The following CLPTM1 variants were observed in gnomAD, a reference collection of about 807,000 sequenced individuals.
CLPTM1 encodes the protein putative lipid scramblase CLPTM1.
In CLPTM1, 21 loss-of-function variants were observed where a neutral mutation model predicts 77.3. That is an observed-to-expected ratio of 0.27 (90% confidence interval 0.19 to 0.39). The LOEUF (loss-of-function observed/expected upper bound fraction) is 0.39. CLPTM1 is among the 10% of genes least tolerant of loss of function. The pLI is 1.00. For missense variants in CLPTM1, 642 were observed against 921.2 expected (o/e 0.70, Z 3.92); for synonymous variants, 373 against 381.0 (o/e 0.98, Z 0.24).
At chr19:44,972,730 A>G (rs1231699208) in intron 2 of CLPTM1, among the ~76,000 whole-genome samples, 2 of 150,878 alleles carry the variant, frequency 1.3e-5, no homozygotes, top group East Asian at 3.9e-4. Context: ...CTCTCGGGGG[A>G]TCCCAGGGGG....
chr19:44,978,128 C>T (rs1164311525), intron 5 of CLPTM1, among the ~76,000 whole-genome samples: 4 of 150,696 alleles, frequency 2.7e-5, no homozygotes, highest in African/African-American at 4.9e-5. Flanking sequence ...AGATAGAGGC[C>T]GGGCACAGTG....
intron 6 of CLPTM1, among the ~76,000 whole-genome samples, chr19:44,986,063 G>T (rs901168819): frequency 2.0e-5 from 3 of 152,164 alleles, no homozygotes; most frequent in Admixed American, 2.0e-4. Flanking sequence ...CTGCTGCCAG[G>T]GTTGTCAGGG....
In CLPTM1 at chr19:44,992,996, C is replaced by G. The variant is rs1468313086; in HGVS notation, c.*99C>G. 9.1e-6 allele frequency: 13 copies of G among 1,434,608 alleles called. No homozygotes were observed. The Admixed American group carries it at 2.5e-4, about 28-fold the overall frequency. The allele number at this position is 1,434,608 out of a possible 1,614,324, so 88.9% of individuals were successfully genotyped here. On this transcript the variant is annotated 3_prime_UTR_variant, in exon 14 of 14. Transcript: ENST00000337392. This position sits in a 1 kb window ranked among gnomAD's most constrained non-coding sequence, Gnocchi z 7.7. ...CCTGTCGCCCTTTCCCTGGACAGAT[C>G]AGGCCGGGGCGGTGGGAGGCCCGCC...
chr19:44,969,238 A>G (rs1232267769), intron 2 of CLPTM1, among the ~76,000 whole-genome samples: 1 of 152,172 alleles, frequency 6.6e-6, no homozygotes, highest in Non-Finnish European at 1.5e-5. Context: ...ATGCTTATAA[A>G]CTACCCTATG....
At chr19:44,984,275 C>T (rs1378705976) in intron 5 of CLPTM1, 1 of 152,344 alleles carries the variant, frequency 6.6e-6, no homozygotes, top group Non-Finnish European at 1.5e-5. Context: ...CAAACAGGCC[C>T]TGCCCCTACC....
intron 5 of CLPTM1, among the ~76,000 whole-genome samples, chr19:44,978,113 AAGAT>A (rs936964114): frequency 9.3e-5 from 14 of 150,980 alleles, no homozygotes; most frequent in African/African-American, 2.9e-4. Flanking sequence ...CTGTCTCAAA[AAGAT>A]AGATAGAGGC....
chr19:44,980,288 C>G (rs969635627), intron 5 of CLPTM1, among the ~76,000 whole-genome samples: 1 of 152,080 alleles, frequency 6.6e-6, no homozygotes, highest in Non-Finnish European at 1.5e-5. Flanking sequence ...GCAAGCAGAT[C>G]ACTTGAGGTC....
chr19:44,985,284 C>T lies in CLPTM1; in HGVS notation c.653C>T (p.Ala218Val). Residue 218 changes from alanine (A) to valine (V), a missense_variant, in exon 6 of 14, where the codon GCG becomes GTG. Physicochemically the swap from Ala to Val is moderately conservative, Grantham distance 64 (BLOSUM62 0). This residue lies in a region of CLPTM1 where 521 missense variants were observed against 800.4 expected (regional missense o/e 0.65). Transcript: ENST00000337392. ...AACCTGCTGACAGGAGAGACAGAAG[C>T]GGACCCAGAAATGATCAAGGTAAAT... Reference protein sequence around the residue: ...TKNLLTGETEADPEMIKRAED... With the variant: ...TKNLLTGETEVDPEMIKRAED... The T allele has an allele frequency of 7.4e-6, 12 of 1,612,868 alleles. No individual in the cohort carries two copies. The highest frequency in any genetic ancestry group is 1.1e-5 in the South Asian group (1 of 91,036).
intron 2 of CLPTM1, 115 bp downstream of exon 2, chr19:44,962,190 C>CT: frequency 2.2e-6 from 1 of 463,228 alleles, no homozygotes. Flanking sequence ...GGTAGAGTTG[C>CT]TTTTTTTCTT....
Position 44,990,448 on chromosome 19 carries a change from G to A in CLPTM1, c.1186G>A (p.Val396Ile), listed in dbSNP as rs779855499. 12 of 1,614,098 alleles carry A rather than the reference G, an allele frequency of 7.4e-6. No individual in the cohort carries two copies. Among genetic ancestry groups the A allele is most frequent in the South Asian group, 3.3e-5 (3 of 91,084 alleles). The change falls in exon 10 of 14, where the codon GTC becomes ATC. Residue 396 changes from valine to isoleucine, a missense_variant. Val to Ile is a conservative substitution (Grantham distance 29). Coordinates refer to ENST00000337392, the MANE Select transcript of CLPTM1 (RefSeq NM_001294.4). The surrounding 1 kb of genome is among the most constrained non-coding windows in gnomAD (Gnocchi z 4.8). ...QSLEGLSVRS[V>I]FFGVFQSFVV... ...CCTGGAGGGCCTGTCCGTGCGCTCC[G>A]TCTTCTTCGGCGTTTTCCAGTCATT... is the stretch of plus-strand genomic sequence containing the variant.
At chr19:44,954,687 G>C (rs947496407), upstream of CLPTM1, 1 of 1,165,998 alleles carries the variant, frequency 8.6e-7, no homozygotes, top group Non-Finnish European at 1.1e-6. Flanking sequence ...GTGAAGCCTA[G>C]CCCACGGATG....
chr19:44,973,770 T>TGTTTTG (rs369372025), intron 3 of CLPTM1, among the ~76,000 whole-genome samples: 9 of 135,666 alleles, frequency 6.6e-5, no homozygotes, highest in Non-Finnish European at 1.1e-4. Context: ...GGTTTTTTTT[T>TGTTTTG]TTTTTTTTTT....
At chr19:44,986,388 T>C in intron 6 of CLPTM1, 67 bp from the exon 7 acceptor site, 1 of 1,582,064 alleles carries the variant, frequency 6.3e-7, no homozygotes, top group Non-Finnish European at 8.6e-7. Context: ...GGAGGAAGTG[T>C]ACAGAGAGTG....
chr19:44,973,060 T>C (rs1970746342), intron 2 of CLPTM1, 27 bp from the exon 3 acceptor site: 3 of 1,611,272 alleles, frequency 1.9e-6, no homozygotes, highest in Middle Eastern at 3.3e-4. Flanking sequence ...GCTTGGGGAC[T>C]CACCACCTTG....
chr19:44,962,956 C>T (rs1276821865), intron 2 of CLPTM1, among the ~76,000 whole-genome samples: 1 of 151,648 alleles, frequency 6.6e-6, no homozygotes, highest in African/African-American at 2.4e-5. Flanking sequence ...ACCCGGGAGG[C>T]GGAGCTTGCA....
In CLPTM1 at chr19:44,990,761, G is replaced by C; in HGVS notation, c.1324-89G>C. On this transcript the variant is annotated intron_variant, in intron 10 of 13. Coordinates refer to ENST00000337392, the MANE Select transcript of CLPTM1 (RefSeq NM_001294.4). This position sits in a 1 kb window ranked among gnomAD's most constrained non-coding sequence, Gnocchi z 4.8. ...GGGTCACACATGGGGCAGGGGAACT[G>C]GGAACGGTGGGGAAGGGCAGGGGCT... The C allele has an allele frequency of 7.5e-7, 1 of 1,336,054 alleles. No homozygotes were observed. Among genetic ancestry groups the C allele is most frequent in the Non-Finnish European group, 1.1e-6 (1 of 941,558 alleles). The allele number at this position is 1,336,054 out of a possible 1,614,324, so 82.8% of individuals were successfully genotyped here.
At chr19:44,970,551 C>T (rs1461832861) in intron 2 of CLPTM1, among the ~76,000 whole-genome samples, 2 of 145,708 alleles carry the variant, frequency 1.4e-5, no homozygotes, top group South Asian at 2.2e-4. Flanking sequence ...AGGCATGGTG[C>T]GTGCTGCCAT....
At chr19:44,981,183 T>C (rs2122305622) in intron 5 of CLPTM1, among the ~76,000 whole-genome samples, 1 of 152,010 alleles carries the variant, frequency 6.6e-6, no homozygotes, top group African/African-American at 2.4e-5. Flanking sequence ...TCACTCTTGT[T>C]GCCCAGGCTG....
At chr19:44,972,456 A>G (rs204482) in intron 2 of CLPTM1, among the ~76,000 whole-genome samples, 60,749 of 151,576 alleles carry the variant, frequency 0.4, 12,775 homozygotes, top group East Asian at 0.56. Flanking sequence ...TCACCATGTT[A>G]GCCAGGATGG....
Sources: gnomAD v4.1 joint callset for allele counts (sites outside exome capture counted in the v4.1 genomes callset) on GRCh38, gnomAD v4.1.1 for gene constraint, gnomAD v4.1.1 regional missense constraint, Gnocchi (gnomAD v3.1) non-coding constraint, MANE v1.5 for transcripts, NCBI Gene and HGNC (gene_info 2026-07-23, HGNC 2026-07-21) for gene names.